Variants in RANBP17 observed in about 807,000 individuals in gnomAD.
RANBP17 encodes RAN binding protein 17, also known as ran-binding protein 17.
A neutral mutation model predicts 141.2 loss-of-function variants in RANBP17; 158 were observed. The observed-to-expected ratio is 1.12, with a 90% CI of 0.98 to 1.28. The LOEUF (loss-of-function observed/expected upper bound fraction) is 1.28. Ranked by LOEUF, RANBP17 falls within the 50% of genes most tolerant of loss-of-function variation. The pLI is 0.00. For missense variants in RANBP17, 1,438 were observed against 1,290.7 expected (o/e 1.11, Z -1.75); for synonymous variants, 430 against 450.0 (o/e 0.96, Z 0.56).
intron 12 of RANBP17, among the ~76,000 whole-genome samples, chr5:170,932,769 G>A (rs112003477): frequency 6.6e-5 from 10 of 152,044 alleles, no homozygotes; most frequent in African/African-American, 1.4e-4. Context: ...CAACTTGATC[G>A]TGGTGGATAA....
chr5:171,293,972 C>CA lies in RANBP17; in HGVS notation c.3035dup (p.Asn1012LysfsTer2), dbSNP rs1561835865. ...GGCCTCTCCTGGGGCTCATCCTGCT[C>CA]AATGAGAAGGTGAGTGTGATTGCAG... On this transcript the variant is annotated frameshift_variant, in exon 26 of 28. Coordinates refer to ENST00000523189, the MANE Select transcript of RANBP17 (RefSeq NM_022897.5). LOFTEE classifies it high-confidence loss of function. 1 of 1,612,296 alleles carries CA rather than the reference C, an allele frequency of 6.2e-7. No individual in the cohort carries two copies. The highest frequency in any genetic ancestry group is 8.5e-7 in the Non-Finnish European group (1 of 1,178,418).
intron 14 of RANBP17, among the ~76,000 whole-genome samples, chr5:170,997,441 T>C (rs761700253): frequency 3.9e-5 from 6 of 152,292 alleles, no homozygotes; most frequent in East Asian, 1.9e-4. Flanking sequence ...AATTTTGAGA[T>C]AGATGATCCC....
In RANBP17 at chr5:171,183,334, CCTTTT is replaced by C; in HGVS notation, c.1946_1950del (p.Phe649TrpfsTer4). 1.2e-6 allele frequency: 2 copies of C among 1,613,716 alleles called. No individual in the cohort carries two copies. Among genetic ancestry groups the C allele is most frequent in the Non-Finnish European group, 1.7e-6 (2 of 1,179,668 alleles). On this transcript the variant is annotated frameshift_variant, in exon 18 of 28. Coordinates refer to ENST00000523189, the MANE Select transcript of RANBP17 (RefSeq NM_022897.5). LOFTEE classifies it high-confidence loss of function. The stretch of plus-strand genomic sequence containing the variant: ...TTGCTTTCATTAGAGTGAACACTTC[CCTTTT>C]CTTGGCATCAGTGACAATCATAGTC...
At chr5:171,004,763 C>T (rs1003473897) in intron 14 of RANBP17, among the ~76,000 whole-genome samples, 3 of 152,064 alleles carry the variant, frequency 2.0e-5, no homozygotes, top group South Asian at 2.1e-4. Context: ...TGACCTCCAG[C>T]GGGGGCCCAC....
intron 14 of RANBP17, among the ~76,000 whole-genome samples, chr5:171,015,269 C>G (rs986540249): frequency 6.6e-6 from 1 of 152,034 alleles, no homozygotes; most frequent in African/African-American, 2.4e-5. Flanking sequence ...CCTTCACTTT[C>G]TTGAAGACTG....
intron 14 of RANBP17, among the ~76,000 whole-genome samples, chr5:171,094,377 A>G (rs1043362389): frequency 9.2e-5 from 14 of 152,164 alleles, no homozygotes; most frequent in Admixed American, 6.5e-4. Flanking sequence ...TTGCAAAGTT[A>G]TGAAGATTGA....
At chr5:171,112,765 C>CT (rs1215866289) in intron 14 of RANBP17, among the ~76,000 whole-genome samples, 1 of 151,708 alleles carries the variant, frequency 6.6e-6, no homozygotes, top group Non-Finnish European at 1.5e-5. Context: ...AAGTATCTGC[C>CT]TTTTTTGTTG....
chr5:171,082,700 A>G (rs1243261910), intron 14 of RANBP17, among the ~76,000 whole-genome samples: 2 of 152,198 alleles, frequency 1.3e-5, no homozygotes, highest in African/African-American at 2.4e-5. Context: ...AGAACCTATT[A>G]AACAGTTATT....
chr5:170,984,857 TA>T (rs1255212937), intron 14 of RANBP17, among the ~76,000 whole-genome samples: 1 of 152,162 alleles, frequency 6.6e-6, no homozygotes, highest in Non-Finnish European at 1.5e-5. Flanking sequence ...TTTTAAGTAT[TA>T]TTTTTTATAT....
chr5:171,121,728 C>A lies in RANBP17; in HGVS notation c.1711-48402C>A, dbSNP rs1055952193. Among the ~76,000 whole-genome samples, 6 of 152,124 alleles carry A rather than the reference C, an allele frequency of 3.9e-5. No homozygotes were observed. The East Asian group carries it at 5.8e-4, about 15-fold the overall frequency. On this transcript the variant is annotated intron_variant, in intron 14 of 27. Coordinates refer to ENST00000523189, the MANE Select transcript of RANBP17 (RefSeq NM_022897.5). Reference sequence around the variant, plus strand: ...GCCACTCCTGGGACCAGGCTCCATGCAACTAGGTTTGTGGTGTTCAGCCAC... The same window carrying A: ...GCCACTCCTGGGACCAGGCTCCATGAAACTAGGTTTGTGGTGTTCAGCCAC...
At chr5:171,187,480 A>C (rs1761341293) in intron 18 of RANBP17, among the ~76,000 whole-genome samples, 1 of 152,192 alleles carries the variant, frequency 6.6e-6, no homozygotes, top group Admixed American at 6.5e-5. Context: ...GAAGCACAAT[A>C]AAACAAGGTA....
At chr5:171,016,816 A>G (rs191748909) in intron 14 of RANBP17, among the ~76,000 whole-genome samples, 1 of 151,660 alleles carries the variant, frequency 6.6e-6, no homozygotes, top group Admixed American at 6.6e-5. Context: ...ATACACGTGC[A>G]GAACGTGCAG....
At chr5:171,224,008 T>G (rs2127983854) in intron 22 of RANBP17, among the ~76,000 whole-genome samples, 1 of 152,350 alleles carries the variant, frequency 6.6e-6, no homozygotes, top group South Asian at 2.1e-4. Context: ...GAAGGCTAAT[T>G]GAGCTATTCT....
chr5:171,016,673 T>C (rs1470366487), intron 14 of RANBP17, among the ~76,000 whole-genome samples: 2 of 152,110 alleles, frequency 1.3e-5, no homozygotes, highest in East Asian at 3.9e-4. Context: ...TTTTGTTCTT[T>C]TTGAGTATTT....
chr5:171,226,080 A>G (rs1763861243), intron 22 of RANBP17, among the ~76,000 whole-genome samples: 1 of 152,226 alleles, frequency 6.6e-6, no homozygotes, highest in Non-Finnish European at 1.5e-5. Context: ...AAGAACATGT[A>G]TTTCAAAACT....
chr5:170,974,082 G>T (rs1439842031), intron 14 of RANBP17, among the ~76,000 whole-genome samples: 1 of 152,170 alleles, frequency 6.6e-6, no homozygotes, highest in Admixed American at 6.5e-5. Flanking sequence ...TTCCATTCTA[G>T]TTTAGTCCCC....
intron 14 of RANBP17, among the ~76,000 whole-genome samples, chr5:171,159,043 T>C (rs950374198): frequency 1.3e-5 from 2 of 152,248 alleles, no homozygotes; most frequent in Non-Finnish European, 2.9e-5. Flanking sequence ...ACCACTTTGC[T>C]GAATTATTCA....
At chr5:171,019,502 C>T (rs190976314) in intron 14 of RANBP17, among the ~76,000 whole-genome samples, 21 of 152,030 alleles carry the variant, frequency 1.4e-4, no homozygotes, top group Admixed American at 3.9e-4. Context: ...TGTATGTGTC[C>T]AGGAATTTAT....
At chr5:170,957,444 A>T (rs1204403576) in intron 13 of RANBP17, among the ~76,000 whole-genome samples, 1 of 152,176 alleles carries the variant, frequency 6.6e-6, no homozygotes, top group African/African-American at 2.4e-5. Flanking sequence ...CTACTTCATA[A>T]AATGTGTTTC....
Sources: allele counts gnomAD v4.1 joint callset (sites outside exome capture counted in the v4.1 genomes callset), GRCh38; gene constraint gnomAD v4.1.1; transcripts MANE v1.5; gene names NCBI Gene and HGNC (gene_info 2026-07-23, HGNC 2026-07-21).